PTPRD: variants seen among roughly 807,000 people sequenced by gnomAD.
PTPRD encodes the protein receptor-type tyrosine-protein phosphatase delta.
Under a neutral mutation model 214.5 loss-of-function variants are expected in PTPRD, and 34 were observed. The observed-to-expected ratio is 0.16, with a 90% confidence interval of 0.12 to 0.21. The LOEUF is 0.21. PTPRD is among the 10% of genes least tolerant of loss of function. PTPRD has a pLI of 1.00. For missense variants in PTPRD, 2,545 were observed against 2,398.7 expected, an observed-to-expected ratio of 1.06 and a Z score of -1.27; for synonymous variants, 1,128 against 845.7, an observed-to-expected ratio of 1.33 and a Z score of -5.79.
At chr9:9,455,089 G>A (rs2092799164) in intron 8 of PTPRD, among the ~76,000 whole-genome samples, 1 of 151,476 alleles carries the variant, frequency 6.6e-6, no homozygotes, top group South Asian at 2.1e-4. Context: ...TATAAAAGAA[G>A]TAAACATTAA....
chr9:9,599,210 T>C (rs186745254), intron 7 of PTPRD, among the ~76,000 whole-genome samples: 4 of 152,162 alleles, frequency 2.6e-5, no homozygotes, highest in East Asian at 1.9e-4. Flanking sequence ...AATGCTAAAG[T>C]AATACCCTTC....
chr9:9,234,895 G>A (rs996774323), intron 9 of PTPRD, among the ~76,000 whole-genome samples: 3 of 152,086 alleles, frequency 2.0e-5, no homozygotes, highest in Non-Finnish European at 4.4e-5. Context: ...CCTTCAAATT[G>A]TTCCAACCTC....
intron 7 of PTPRD, among the ~76,000 whole-genome samples, chr9:9,673,848 T>C (rs1412552208): frequency 1.3e-5 from 2 of 151,580 alleles, no homozygotes; most frequent in Admixed American, 6.6e-5. Flanking sequence ...TACCAAAAGA[T>C]GTAACAATTA....
intron 9 of PTPRD, among the ~76,000 whole-genome samples, chr9:9,248,573 G>A (rs1474080640): frequency 1.3e-5 from 2 of 151,996 alleles, no homozygotes; most frequent in East Asian, 3.9e-4. Context: ...AGTAATGATT[G>A]TTTATATGTC....
intron 5 of PTPRD, among the ~76,000 whole-genome samples, chr9:9,768,193 CT>C (rs1269826782): frequency 6.6e-6 from 1 of 152,080 alleles, no homozygotes. Context: ...CCTTGGATAG[CT>C]AATCAGCCAA....
At chr9:10,309,238 C>T (rs684853) in intron 3 of PTPRD, among the ~76,000 whole-genome samples, 41,939 of 151,846 alleles carry the variant, frequency 0.28, 7,027 homozygotes, top group African/African-American at 0.48. Flanking sequence ...TTTCCACTTA[C>T]TTTCTTTCTC....
At chr9:9,083,540 A>G (rs769273431) in intron 10 of PTPRD, among the ~76,000 whole-genome samples, 1 of 152,178 alleles carries the variant, frequency 6.6e-6, no homozygotes, top group African/African-American at 2.4e-5. Context: ...ACAAAAGCCA[A>G]AATTGACAGA....
chr9:9,483,831 C>G (rs1021294668), intron 8 of PTPRD, among the ~76,000 whole-genome samples: 21 of 144,242 alleles, frequency 1.5e-4, no homozygotes, highest in Non-Finnish European at 2.0e-4. Flanking sequence ...AAAATTCGTT[C>G]TCTGTTTGGA....
At chr9:9,026,405 G>T (rs185163481) in intron 10 of PTPRD, among the ~76,000 whole-genome samples, 4 of 152,014 alleles carry the variant, frequency 2.6e-5, no homozygotes, top group Admixed American at 2.0e-4. Context: ...CCATAGTAAG[G>T]TAACAGAGAG....
intron 14 of PTPRD, among the ~76,000 whole-genome samples, chr9:8,585,318 G>A (rs138910129): frequency 2.0e-3 from 304 of 152,256 alleles, no homozygotes; most frequent in Non-Finnish European, 3.4e-3. Flanking sequence ...AAAAAGAACA[G>A]GAAATTGTGA....
chr9:9,416,562 G>C (rs928924909), intron 8 of PTPRD, among the ~76,000 whole-genome samples: 1 of 151,296 alleles, frequency 6.6e-6, no homozygotes, highest in Non-Finnish European at 1.5e-5. Context: ...TAACTTAGTT[G>C]GTTTCTGGTT....
chr9:9,071,521 G>C (rs1445772659), intron 10 of PTPRD, among the ~76,000 whole-genome samples: 1 of 152,126 alleles, frequency 6.6e-6, no homozygotes, highest in African/African-American at 2.4e-5. Context: ...TAAGTTGCAG[G>C]GAACTGTGAG....
At chr9:10,401,754 A>G (rs2098273581) in intron 2 of PTPRD, among the ~76,000 whole-genome samples, 1 of 150,730 alleles carries the variant, frequency 6.6e-6, no homozygotes, top group Non-Finnish European at 1.5e-5. Flanking sequence ...TATGATTACA[A>G]TGGGATACTC....
intron 11 of PTPRD, among the ~76,000 whole-genome samples, chr9:9,005,589 A>G (rs1011742125): frequency 6.6e-6 from 1 of 152,046 alleles, no homozygotes; most frequent in Non-Finnish European, 1.5e-5. Context: ...GTTAAAAGGC[A>G]TTCTATAAAA....
At chr9:8,901,956 A>G (rs2098672251) in intron 11 of PTPRD, among the ~76,000 whole-genome samples, 2 of 152,200 alleles carry the variant, frequency 1.3e-5, no homozygotes, top group Non-Finnish European at 2.9e-5. Context: ...TAAATCTATT[A>G]AATTCTCTGA....
intron 7 of PTPRD, among the ~76,000 whole-genome samples, chr9:9,595,904 C>T (rs1223804000): frequency 6.6e-6 from 1 of 151,434 alleles, no homozygotes; most frequent in Non-Finnish European, 1.5e-5. Flanking sequence ...AGAACTTGCT[C>T]ATGTAATCAA....
chr9:8,819,691 A>G (rs1466353720), intron 11 of PTPRD, among the ~76,000 whole-genome samples: 1 of 152,158 alleles, frequency 6.6e-6, no homozygotes, highest in Admixed American at 6.6e-5. Context: ...AACTTGGGGC[A>G]ATTATTAACT....
At chr9:10,319,546 T>C (rs1394233268) in intron 3 of PTPRD, among the ~76,000 whole-genome samples, 11 of 152,212 alleles carry the variant, frequency 7.2e-5, no homozygotes, top group Admixed American at 3.3e-4. Context: ...TGTAAAGATA[T>C]CATCTCTTTC....
At chr9:8,796,354 A>C (rs2096421972) in intron 11 of PTPRD, among the ~76,000 whole-genome samples, 1 of 152,180 alleles carries the variant, frequency 6.6e-6, no homozygotes, top group South Asian at 2.1e-4. Flanking sequence ...GAAGCCTGTG[A>C]AACATTTGAC....
Sources: gnomAD v4.1 joint callset for allele counts (sites outside exome capture counted in the v4.1 genomes callset) on GRCh38, gnomAD v4.1.1 for gene constraint, MANE v1.5 for transcripts, NCBI Gene and HGNC (gene_info 2026-07-23, HGNC 2026-07-21) for gene names.